Variants in QKI observed in about 807,000 individuals in gnomAD.
QKI encodes KH domain-containing RNA-binding protein QKI.
In QKI, 10 loss-of-function variants were observed where a neutral mutation model predicts 39.0. The observed-to-expected ratio is 0.26, with a 90% confidence interval of 0.16 to 0.43. The LOEUF (loss-of-function observed/expected upper bound fraction) is 0.43. Among genes scored for constraint, QKI ranks in the 20% least tolerant of loss-of-function variants. The pLI, the probability that QKI is intolerant of heterozygous loss-of-function variation, is 1.00. For missense variants in QKI, 218 were observed against 428.0 expected, an observed-to-expected ratio of 0.51 and a Z score of 4.33; for synonymous variants, 204 against 155.4, an observed-to-expected ratio of 1.31 and a Z score of -2.33.
rs1478154408 is a variant in QKI, at chr6:163,574,973, TACAC to T, written c.*4265_*4268del. 2.6e-5 allele frequency: 4 copies of T among 152,206 alleles called. No homozygotes were observed. Among genetic ancestry groups the T allele is most frequent in the African/African-American group, 9.7e-5 (4 of 41,450 alleles). The allele number at this position is 152,206 out of a possible 1,614,324, so 9.4% of individuals were successfully genotyped here. A position where few individuals can be genotyped will look rare whatever the true frequency, so the allele number is the denominator to read the frequency against. On this transcript the variant is annotated 3_prime_UTR_variant, in exon 8 of 8. Coordinates refer to ENST00000361752, the MANE Select transcript of QKI (RefSeq NM_006775.3). ...ATAAATATGTATACACACATATAAATACACAGAGTAGTGTTAGCTGATGTGAGTG... is the reference window on the plus strand; with the variant it reads ...ATAAATATGTATACACACATATAAATAGAGTAGTGTTAGCTGATGTGAGTG...
intron 3 of QKI, among the ~76,000 whole-genome samples, chr6:163,531,048 A>G (rs1780819265): frequency 6.6e-6 from 1 of 151,914 alleles, no homozygotes; most frequent in African/African-American, 2.4e-5. Context: ...GTCTTTTGCT[A>G]CTTGGAGAGT....
In QKI at chr6:163,565,063, C is replaced by A. The variant is rs187374245; in HGVS notation, c.934+1344C>A. On this transcript the variant is annotated intron_variant, in intron 6 of 7. Transcript: ENST00000361752. ...ACTCAGGTGCCCTTTGTTTCATGAACAAATACATTTCATTGTACATGTTTT... is the reference window on the plus strand; with the variant it reads ...ACTCAGGTGCCCTTTGTTTCATGAAAAAATACATTTCATTGTACATGTTTT... 1.1e-4 allele frequency: 121 copies of A among 1,073,068 alleles called. No individual in the cohort carries two copies. The African/African-American group carries it at 1.9e-3, about 16-fold the overall frequency. The allele number at this position is 1,073,068 out of a possible 1,614,324, so 66.5% of individuals were successfully genotyped here.
chr6:163,435,501 T>C (rs1789189366), intron 1 of QKI, among the ~76,000 whole-genome samples: 1 of 152,166 alleles, frequency 6.6e-6, no homozygotes. Flanking sequence ...GAGGAGAACA[T>C]TGGAATCATA....
At chr6:163,470,260 C>T (rs1432331325) in intron 2 of QKI, among the ~76,000 whole-genome samples, 1 of 151,984 alleles carries the variant, frequency 6.6e-6, no homozygotes, top group Non-Finnish European at 1.5e-5. Context: ...CTTGCCATGC[C>T]CAGCCTAGTC....
chr6:163,531,957 A>G (rs557936146), intron 3 of QKI, among the ~76,000 whole-genome samples: 71 of 152,302 alleles, frequency 4.7e-4, no homozygotes, highest in Middle Eastern at 3.4e-3. Context: ...TGAAGCAAAC[A>G]GGGTAGATGT....
At chr6:163,435,221 T>C (rs918596827) in intron 1 of QKI, among the ~76,000 whole-genome samples, 1 of 152,228 alleles carries the variant, frequency 6.6e-6, no homozygotes, top group Non-Finnish European at 1.5e-5. Context: ...CTGTGAAGGA[T>C]AGGCTGCTAC....
At position 163,447,347 on chromosome 6, in the gene QKI, ATGTT is replaced by A. The variant is rs574584491; in HGVS notation, c.143-7931_143-7928del. Among the ~76,000 whole-genome samples the A allele has an allele frequency of 7.4e-3, 1,073 of 144,106 alleles. 21 individuals carry two copies. The highest frequency in any genetic ancestry group is 0.026 in the African/African-American group (1,018 of 38,746). The allele number at this position is 144,106 out of a possible 152,430, so 94.5% of individuals were successfully genotyped here. On this transcript the variant is annotated intron_variant, in intron 1 of 7. Transcript: ENST00000361752. ...CACCTTGAGTATTTATTATTTCTGT[ATGTT>A]GGGGATAATTCAAGTTCTCTCTTCT...
chr6:163,534,902 G>T, intron 3 of QKI, 80 bp from the exon 4 acceptor site: 1 of 1,103,800 alleles, frequency 9.1e-7, no homozygotes, highest in South Asian at 2.7e-5. Flanking sequence ...TGAAATAATT[G>T]ACAACAGGTT....
intron 1 of QKI, among the ~76,000 whole-genome samples, chr6:163,424,704 T>C (rs1788275344): frequency 6.6e-6 from 1 of 151,896 alleles, no homozygotes; most frequent in African/African-American, 2.4e-5. Context: ...GGATCTTGGC[T>C]CACTGCAACC....
chr6:163,445,897 A>T (rs1205410569), intron 1 of QKI, among the ~76,000 whole-genome samples: 2 of 152,184 alleles, frequency 1.3e-5, no homozygotes, highest in Non-Finnish European at 2.9e-5. Context: ...TACAGGCGTG[A>T]GCCATCGAGC....
intron 3 of QKI, among the ~76,000 whole-genome samples, chr6:163,488,365 A>G (rs535697387): frequency 4.7e-4 from 72 of 152,306 alleles, no homozygotes; most frequent in African/African-American, 1.7e-3. Context: ...GAAATAGTGC[A>G]GAGATTATAG....
intron 4 of QKI, among the ~76,000 whole-genome samples, chr6:163,544,309 A>G (rs774214847): frequency 6.6e-6 from 1 of 152,074 alleles, no homozygotes; most frequent in Non-Finnish European, 1.5e-5. Context: ...GGTTATATGC[A>G]AATACTATGC....
intron 6 of QKI, chr6:163,565,858 C>A: frequency 6.4e-7 from 1 of 1,562,290 alleles, no homozygotes; most frequent in South Asian, 1.2e-5. Flanking sequence ...CAGATGCAGA[C>A]ATGTGTGTTG....
intron 1 of QKI, among the ~76,000 whole-genome samples, chr6:163,425,194 G>A (rs1788317802): frequency 6.6e-6 from 1 of 152,166 alleles, no homozygotes; most frequent in South Asian, 2.1e-4. Flanking sequence ...TTAATGAGGT[G>A]AATGGGAAGG....
At chr6:163,417,619 C>T (rs1333902309) in intron 1 of QKI, among the ~76,000 whole-genome samples, 1 of 152,116 alleles carries the variant, frequency 6.6e-6, no homozygotes, top group Non-Finnish European at 1.5e-5. Flanking sequence ...AGGCTTATTT[C>T]TCTCTGGTTG....
chr6:163,545,450 C>G (rs530487708), intron 4 of QKI, among the ~76,000 whole-genome samples: 3 of 152,160 alleles, frequency 2.0e-5, no homozygotes, highest in African/African-American at 7.2e-5. Flanking sequence ...CAACATCATA[C>G]CATAATTATC....
At chr6:163,478,596 G>A (rs371637878) in intron 2 of QKI, among the ~76,000 whole-genome samples, 184 bp from the exon 3 acceptor site, 5 of 152,152 alleles carry the variant, frequency 3.3e-5, no homozygotes, top group African/African-American at 2.4e-5. Flanking sequence ...AATGCTAAAC[G>A]ATGAGCTATT....
At chr6:163,430,331 G>A (rs1788725119) in intron 1 of QKI, among the ~76,000 whole-genome samples, 1 of 152,054 alleles carries the variant, frequency 6.6e-6, no homozygotes, top group South Asian at 2.1e-4. Context: ...ATTTTCAGAT[G>A]TTCTTTTTTC....
intron 2 of QKI, among the ~76,000 whole-genome samples, chr6:163,459,138 A>G (rs1791155398): frequency 6.6e-6 from 1 of 152,168 alleles, no homozygotes; most frequent in Non-Finnish European, 1.5e-5. Flanking sequence ...TTCTCCATTT[A>G]TGTTCCTGCT....
Sources: allele counts gnomAD v4.1 joint callset (sites outside exome capture counted in the v4.1 genomes callset), GRCh38; gene constraint gnomAD v4.1.1; transcripts MANE v1.5; gene names NCBI Gene and HGNC (gene_info 2026-07-23, HGNC 2026-07-21).